ADAMTSL3: variants seen among roughly 807,000 people sequenced by gnomAD.
ADAMTSL3 encodes ADAMTS like 3.
A neutral mutation model predicts 201.7 loss-of-function variants in ADAMTSL3; 128 were observed. The observed-to-expected ratio is 0.63, with a 90% CI of 0.55 to 0.73. The LOEUF (loss-of-function observed/expected upper bound fraction) is 0.73, where lower values mean the gene tolerates loss of function less well. Among genes scored for constraint, ADAMTSL3 ranks in the 30% least tolerant of loss-of-function variants. The pLI, the probability that ADAMTSL3 is intolerant of heterozygous loss-of-function variation, is 0.00. For synonymous variants in ADAMTSL3, 738 were observed against 748.4 expected, an observed-to-expected ratio of 0.99 and a Z score of 0.23; for missense variants, 1,990 against 2,119.6, an observed-to-expected ratio of 0.94 and a Z score of 1.20.
intron 16 of ADAMTSL3, among the ~76,000 whole-genome samples, chr15:83,923,485 GTTATTC>G (rs1248805461): frequency 2.6e-5 from 4 of 152,310 alleles, no homozygotes; most frequent in South Asian, 4.1e-4. Flanking sequence ...TAGAGAAAGT[GTTATTC>G]TTATGAAGCT....
At chr15:83,714,901 C>T (rs1206476428) in intron 3 of ADAMTSL3, among the ~76,000 whole-genome samples, 1 of 61,994 alleles carries the variant, frequency 1.6e-5, no homozygotes, top group Non-Finnish European at 3.2e-5. Flanking sequence ...TTCCTTCCTT[C>T]CTTCCTTCCT....
chr15:83,837,037 C>T (rs748823630), intron 6 of ADAMTSL3, among the ~76,000 whole-genome samples: 1 of 151,888 alleles, frequency 6.6e-6, no homozygotes, highest in Non-Finnish European at 1.5e-5. Context: ...GACCTTTTTT[C>T]TCATATAAGG....
intron 29 of ADAMTSL3, 44 bp from the exon 30 acceptor site, chr15:84,037,656 C>G (rs773521282): frequency 6.6e-7 from 1 of 1,506,790 alleles, no homozygotes. Flanking sequence ...TTAATTAGGT[C>G]TCTAATAAGC....
intron 4 of ADAMTSL3, among the ~76,000 whole-genome samples, chr15:83,781,873 C>T (rs1011550426): frequency 6.6e-6 from 1 of 152,152 alleles, no homozygotes. Context: ...AATGCGATAA[C>T]ATGTCACACC....
At position 83,825,127 on chromosome 15, in the gene ADAMTSL3, A is replaced by G. The variant is rs565752270; in HGVS notation, c.600+5080A>G. Among the ~76,000 whole-genome samples, 4 of 151,812 alleles carry G rather than the reference A, an allele frequency of 2.6e-5. No homozygotes were observed. In the South Asian group the frequency reaches 8.3e-4, roughly 32 times the overall value. On this transcript the variant is annotated intron_variant, in intron 6 of 29. Transcript: ENST00000286744. ...CAACCAAAAGTAGACTTTTGACAAA[A>G]GGTCAAAGCTTACCATATAATTCTT...
intron 16 of ADAMTSL3, among the ~76,000 whole-genome samples, chr15:83,913,763 T>A (rs910379893): frequency 2.6e-5 from 4 of 152,208 alleles, no homozygotes; most frequent in Admixed American, 1.3e-4. Flanking sequence ...GAGTTTGTCC[T>A]CAGAAAATAT....
intron 8 of ADAMTSL3, among the ~76,000 whole-genome samples, chr15:83,864,188 G>A (rs1357315555): frequency 2.6e-5 from 4 of 152,136 alleles, no homozygotes; most frequent in African/African-American, 9.7e-5. Flanking sequence ...AGAAGTACAA[G>A]GAGGAGCTGG....
intron 5 of ADAMTSL3, among the ~76,000 whole-genome samples, chr15:83,805,614 C>G (rs1443182172): frequency 6.6e-6 from 1 of 151,680 alleles, no homozygotes; most frequent in Non-Finnish European, 1.5e-5. Context: ...AGAAGGAATC[C>G]ATTCTATTTT....
rs534857715 is a variant in ADAMTSL3 at position 83,654,802 on chromosome 15, C to T, written c.-34+526C>T. On this transcript the variant is annotated intron_variant, in intron 1 of 29. Transcript: ENST00000286744. This position sits in a 1 kb window ranked among gnomAD's most constrained non-coding sequence, Gnocchi z 5.3. ...GGCTGGTGCGAGCAGGCGAGGGTGG[C>T]GCAGAGTCCCAGGGCCCCGCACTGG... 3.9e-5 allele frequency among the ~76,000 whole-genome samples: 6 copies of T among 152,222 alleles called. No homozygotes were observed. Among genetic ancestry groups the T allele is most frequent in the Non-Finnish European group, 7.4e-5 (5 of 67,990 alleles).
intron 19 of ADAMTSL3, among the ~76,000 whole-genome samples, chr15:83,964,449 A>G (rs1253695190): frequency 1.3e-5 from 2 of 152,102 alleles, no homozygotes; most frequent in Admixed American, 6.5e-5. Context: ...ACTTAATGAA[A>G]TAAGCATGAA....
chr15:83,881,093 A>G (rs1202349932), intron 9 of ADAMTSL3, among the ~76,000 whole-genome samples: 2 of 152,188 alleles, frequency 1.3e-5, no homozygotes, highest in Non-Finnish European at 2.9e-5. Flanking sequence ...TTGCTTCTAG[A>G]TCTTCAGTCT....
intron 5 of ADAMTSL3, among the ~76,000 whole-genome samples, chr15:83,818,284 T>C (rs2063799701): frequency 6.6e-6 from 1 of 151,214 alleles, no homozygotes; most frequent in Admixed American, 6.8e-5. Context: ...ATTTATTACC[T>C]TTATAATACA....
At chr15:83,964,265 C>G (rs886911788) in intron 19 of ADAMTSL3, among the ~76,000 whole-genome samples, 6 of 151,884 alleles carry the variant, frequency 4.0e-5, no homozygotes, top group African/African-American at 9.7e-5. Context: ...TGCAAGGAAG[C>G]TAAGAACCTT....
At chr15:83,669,108 A>G (rs906544166) in intron 2 of ADAMTSL3, among the ~76,000 whole-genome samples, 1 of 152,124 alleles carries the variant, frequency 6.6e-6, no homozygotes, top group Non-Finnish European at 1.5e-5. Flanking sequence ...TGCTCCACCC[A>G]TGGAGATTTT....
intron 4 of ADAMTSL3, among the ~76,000 whole-genome samples, chr15:83,795,554 CAGA>C (rs1385847773): frequency 3.3e-5 from 5 of 151,974 alleles, no homozygotes; most frequent in Non-Finnish European, 7.4e-5. Context: ...AGACACTTAA[CAGA>C]AGGACTAGGG....
At chr15:83,959,189 G>T (rs563785765) in intron 19 of ADAMTSL3, among the ~76,000 whole-genome samples, 1 of 152,182 alleles carries the variant, frequency 6.6e-6, no homozygotes, top group Non-Finnish European at 1.5e-5. Flanking sequence ...ACTTTGGGAG[G>T]CCAAGGTGGG....
At chr15:83,993,288 T>C (rs2067618193) in intron 23 of ADAMTSL3, among the ~76,000 whole-genome samples, 1 of 152,190 alleles carries the variant, frequency 6.6e-6, no homozygotes, top group Admixed American at 6.6e-5. Flanking sequence ...TCTTCCCTCA[T>C]CTCTAAAGCA....
rs534241129 is a variant in ADAMTSL3, at chr15:83,725,618, C to T, written c.189+21110C>T. 1.1e-4 allele frequency among the ~76,000 whole-genome samples: 17 copies of T among 152,228 alleles called. No homozygotes were observed. In the East Asian group the frequency reaches 3.1e-3, roughly 28 times the overall value. On this transcript the variant is annotated intron_variant, in intron 3 of 29. Transcript: ENST00000286744. The stretch of plus-strand genomic sequence containing the variant: ...CTAGTTTTATTCTTCTGCATATGGA[C>T]ATCCAATATTCCCAGCATCATTTGT...
chr15:84,021,472 C>T lies in ADAMTSL3; in HGVS notation c.4336C>T (p.Arg1446Cys), dbSNP rs759483763. The change falls in exon 26 of 30, where the codon CGC becomes TGC. Residue 1446 changes from arginine (R) to cysteine (C), a missense_variant. Physicochemically the swap from Arg to Cys is radical, Grantham distance 180. Coordinates refer to ENST00000286744, the MANE Select transcript of ADAMTSL3 (RefSeq NM_207517.3). The part of the protein sequence containing the change: ...CSATCGHLGA[R>C]IQRPQCVMAN... Reference sequence around the variant, plus strand: ...TGCCACCTGTGGTCATTTGGGAGCCCGCATTCAGAGACCCCAGTGTGTGAT... The same window carrying T: ...TGCCACCTGTGGTCATTTGGGAGCCTGCATTCAGAGACCCCAGTGTGTGAT... 9 of 1,613,964 alleles carry T rather than the reference C, an allele frequency of 5.6e-6. No homozygotes were observed. The highest frequency in any genetic ancestry group is 4.4e-5 in the South Asian group (4 of 91,072).
Sources: gnomAD v4.1 joint callset for allele counts (sites outside exome capture counted in the v4.1 genomes callset) on GRCh38, gnomAD v4.1.1 for gene constraint, Gnocchi (gnomAD v3.1) non-coding constraint, MANE v1.5 for transcripts, NCBI Gene and HGNC (gene_info 2026-07-23, HGNC 2026-07-21) for gene names.